Variants in L3MBTL4 observed in about 807,000 individuals in gnomAD.
L3MBTL4 encodes L3MBTL histone methyl-lysine binding protein 4, also known as lethal(3)malignant brain tumor-like protein 4.
In L3MBTL4, 70 loss-of-function variants were observed where a neutral mutation model predicts 84.5. The observed-to-expected ratio is 0.83, with a 90% confidence interval of 0.68 to 1.01. L3MBTL4 has a LOEUF of 1.01. Among genes scored for constraint, L3MBTL4 ranks in the 50% least tolerant of loss-of-function variants. L3MBTL4 has a pLI of 0.00. For missense variants in L3MBTL4, 715 were observed against 754.8 expected (o/e 0.95, Z 0.62); for synonymous variants, 274 against 259.8 (o/e 1.05, Z -0.52).
At chr18:6,001,037 A>G (rs2054188143) in intron 16 of L3MBTL4, among the ~76,000 whole-genome samples, 1 of 152,198 alleles carries the variant, frequency 6.6e-6, no homozygotes, top group African/African-American at 2.4e-5. Flanking sequence ...AGTAGCAACT[A>G]CTCACTTCCC....
chr18:6,109,347 T>A (rs565347493), intron 14 of L3MBTL4, among the ~76,000 whole-genome samples: 1 of 152,156 alleles, frequency 6.6e-6, no homozygotes, highest in Non-Finnish European at 1.5e-5. Flanking sequence ...TGTGCATGTA[T>A]GTAGACAGAT....
chr18:6,366,801 C>A (rs377702650), intron 1 of L3MBTL4, among the ~76,000 whole-genome samples: 1 of 152,356 alleles, frequency 6.6e-6, no homozygotes, highest in African/African-American at 2.4e-5. Context: ...GACTTTCTCT[C>A]ATCATTTGCC....
intron 4 of L3MBTL4, among the ~76,000 whole-genome samples, chr18:6,296,585 C>A (rs1322251055): frequency 6.6e-6 from 1 of 152,182 alleles, no homozygotes; most frequent in African/African-American, 2.4e-5. Flanking sequence ...GAAAGCACTT[C>A]TTCAGACAGT....
At chr18:6,093,648 C>A (rs2058533679) in intron 14 of L3MBTL4, 120 bp from the exon 15 acceptor site, 1 of 739,996 alleles carries the variant, frequency 1.4e-6, no homozygotes, top group Admixed American at 3.7e-5. Flanking sequence ...TTCTTCTTTC[C>A]CTGAGCACAC....
At chr18:6,298,395 T>C (rs555667783) in intron 4 of L3MBTL4, among the ~76,000 whole-genome samples, 3 of 152,346 alleles carry the variant, frequency 2.0e-5, no homozygotes, top group Non-Finnish European at 4.4e-5. Flanking sequence ...CATTATTTTT[T>C]TCTAATTCCT....
At chr18:6,199,262 A>G (rs2045544477) in intron 12 of L3MBTL4, among the ~76,000 whole-genome samples, 1 of 152,164 alleles carries the variant, frequency 6.6e-6, no homozygotes, top group Non-Finnish European at 1.5e-5. Flanking sequence ...CACTATTTCT[A>G]CTTGCAACTG....
intron 1 of L3MBTL4, among the ~76,000 whole-genome samples, chr18:6,357,472 A>G (rs2053497797): frequency 6.6e-6 from 1 of 152,144 alleles, no homozygotes; most frequent in Non-Finnish European, 1.5e-5. Flanking sequence ...CACCCCCATC[A>G]TCCCCTACCA....
chr18:6,373,691 A>C (rs958288334), intron 1 of L3MBTL4, among the ~76,000 whole-genome samples: 3 of 152,176 alleles, frequency 2.0e-5, no homozygotes, highest in Admixed American at 2.0e-4. Flanking sequence ...TCACAGTAGG[A>C]AAATCCCACA....
chr18:6,186,071 G>A (rs577036000), intron 12 of L3MBTL4, among the ~76,000 whole-genome samples: 1 of 151,520 alleles, frequency 6.6e-6, no homozygotes, highest in Non-Finnish European at 1.5e-5. Context: ...GGAGTGCAGT[G>A]GTGCAGTCTC....
intron 4 of L3MBTL4, among the ~76,000 whole-genome samples, chr18:6,295,330 CTCTCTCTCTCTCTCTCTA>C (rs2050050736): frequency 7.8e-6 from 1 of 128,158 alleles, no homozygotes; most frequent in Non-Finnish European, 1.6e-5. Flanking sequence ...CTCTCTCTCT[CTCTCTCTCTCTCTCTCTA>C]TATATATATA....
intron 14 of L3MBTL4, among the ~76,000 whole-genome samples, chr18:6,121,152 G>T (rs1211072777): frequency 6.6e-6 from 1 of 152,060 alleles, no homozygotes; most frequent in African/African-American, 2.4e-5. Context: ...TATAACTGAG[G>T]TCAATGCCAC....
chr18:6,212,595 T>C (rs1002767365), intron 12 of L3MBTL4, among the ~76,000 whole-genome samples: 2 of 152,212 alleles, frequency 1.3e-5, no homozygotes, highest in Admixed American at 6.5e-5. Context: ...GAATAAAGTG[T>C]TTTTAATTTT....
At chr18:6,288,281 T>C (rs554572677) in intron 4 of L3MBTL4, among the ~76,000 whole-genome samples, 45 of 152,340 alleles carry the variant, frequency 3.0e-4, no homozygotes, top group Non-Finnish European at 5.1e-4. Flanking sequence ...AAATCTGGCA[T>C]AGTCATCAAG....
At chr18:6,317,567 A>C (rs2051172617) in intron 1 of L3MBTL4, among the ~76,000 whole-genome samples, 1 of 152,178 alleles carries the variant, frequency 6.6e-6, no homozygotes, top group Non-Finnish European at 1.5e-5. Context: ...AAAATAAATA[A>C]GAAGGAATGA....
At chr18:6,315,502 T>A (rs1229857243) in intron 1 of L3MBTL4, among the ~76,000 whole-genome samples, 4 of 152,184 alleles carry the variant, frequency 2.6e-5, no homozygotes, top group Admixed American at 2.6e-4. Context: ...CCCGACAATA[T>A]GTGTACCACT....
At chr18:6,199,990 T>C (rs566630056) in intron 12 of L3MBTL4, among the ~76,000 whole-genome samples, 2 of 152,274 alleles carry the variant, frequency 1.3e-5, no homozygotes, top group South Asian at 4.1e-4. Context: ...AGCCCAGTGA[T>C]GGACAACACC....
chr18:6,003,721 G>A (rs1173099139), intron 16 of L3MBTL4, among the ~76,000 whole-genome samples: 1 of 151,998 alleles, frequency 6.6e-6, no homozygotes, highest in Non-Finnish European at 1.5e-5. Flanking sequence ...ACAATTAGGT[G>A]AAATTAAAAG....
chr18:5,970,547 C>T (rs2052589984), intron 16 of L3MBTL4, among the ~76,000 whole-genome samples: 2 of 152,116 alleles, frequency 1.3e-5, no homozygotes, highest in East Asian at 1.9e-4. Flanking sequence ...AAAACCAATG[C>T]CTTTATAAGG....
chr18:6,327,331 G>T (rs981320262), intron 1 of L3MBTL4, among the ~76,000 whole-genome samples: 1 of 152,122 alleles, frequency 6.6e-6, no homozygotes, highest in African/African-American at 2.4e-5. Flanking sequence ...CGTGGCTTTT[G>T]TCTGTAACAG....
Sources: gnomAD v4.1 joint callset for allele counts (sites outside exome capture counted in the v4.1 genomes callset) on GRCh38, gnomAD v4.1.1 for gene constraint, MANE v1.5 for transcripts, NCBI Gene and HGNC (gene_info 2026-07-23, HGNC 2026-07-21) for gene names.